UGT2B28: variants seen among roughly 807,000 people sequenced by gnomAD.
The protein encoded by UGT2B28 is UDP-glucuronosyltransferase 2B28.
A neutral mutation model predicts 43.6 loss-of-function variants in UGT2B28; 45 were observed. The observed-to-expected ratio is 1.03, with a 90% CI of 0.81 to 1.32. The LOEUF (loss-of-function observed/expected upper bound fraction) is 1.32. Among genes scored for constraint, UGT2B28 ranks in the 40% most tolerant of loss-of-function variants. The pLI is 0.00. For missense variants in UGT2B28, 649 were observed against 625.5 expected, an observed-to-expected ratio of 1.04 and a Z score of -0.40; for synonymous variants, 204 against 208.1, an observed-to-expected ratio of 0.98 and a Z score of 0.17.
At position 69,280,487 on chromosome 4, in the gene UGT2B28, T is replaced by C. The variant is rs766739745; in HGVS notation, c.-14T>C. On this transcript the variant is annotated 5_prime_UTR_variant, in exon 1 of 6. Coordinates refer to ENST00000335568, the MANE Select transcript of UGT2B28 (RefSeq NM_053039.2). The stretch of plus-strand genomic sequence containing the variant: ...GAAACAGTGACTTGAAAAGAATGAT[T>C]GCATTGCACCAGGATGGCTCTGAAG... 7.1e-6 allele frequency: 11 copies of C among 1,542,750 alleles called. 2 individuals carry two copies. Among genetic ancestry groups the C allele is most frequent in the Non-Finnish European group, 8.7e-6 (10 of 1,148,976 alleles).
rs1170000308 is a variant in UGT2B28 at position 69,292,454 on chromosome 4, T to C, written c.1310+1643T>C. Among the ~76,000 whole-genome samples the C allele has an allele frequency of 1.4e-5, 2 of 140,194 alleles. 1 individual carries two copies. The highest frequency in any genetic ancestry group is 5.6e-5 in the African/African-American group (2 of 35,946). The allele number at this position is 140,194 out of a possible 152,430, so 92.0% of individuals were successfully genotyped here. On this transcript the variant is annotated intron_variant, in intron 5 of 5. Transcript: ENST00000335568. ...TAATTGAAAAGCAACACAAACCAGC[T>C]TGGACAAATAGAAAAGAAATATAAA... is the stretch of plus-strand genomic sequence containing the variant.
At chr4:69,287,210 G>A (rs1215965424) in intron 3 of UGT2B28, among the ~76,000 whole-genome samples, 1 of 140,596 alleles carries the variant, frequency 7.1e-6, no homozygotes, top group African/African-American at 2.8e-5. Context: ...CATACATATG[G>A]CTGAAATTAA....
rs561845520 is a variant in UGT2B28 at position 69,289,884 on chromosome 4, A to T, written c.1090+132A>T. 3.1e-5 allele frequency: 31 copies of T among 991,198 alleles called. 6 individuals are homozygous for T. In the East Asian group the frequency reaches 7.8e-4, roughly 25 times the overall value. The allele number at this position is 991,198 out of a possible 1,614,324, so 61.4% of individuals were successfully genotyped here. Reference sequence around the variant, plus strand: ...AAGAACTTCTTTGTATTTATTTTCCAGTCCTAGGGGAAAAGAATATGGTAG... The same window carrying T: ...AAGAACTTCTTTGTATTTATTTTCCTGTCCTAGGGGAAAAGAATATGGTAG... On this transcript the variant is annotated intron_variant, in intron 4 of 5. Transcript: ENST00000335568.
chr4:69,285,833 G>A (rs1577993655), intron 2 of UGT2B28, among the ~76,000 whole-genome samples: 1 of 140,988 alleles, frequency 7.1e-6, no homozygotes, highest in East Asian at 2.0e-4. Flanking sequence ...ACTCAAAAGA[G>A]AGACAAGATC....
In UGT2B28 at chr4:69,293,401, G is replaced by A. The variant is rs1419161187; in HGVS notation, c.1311-1129G>A. On this transcript the variant is annotated intron_variant, in intron 5 of 5. Coordinates refer to ENST00000335568, the MANE Select transcript of UGT2B28 (RefSeq NM_053039.2). ...TTTTTGAACTATTCACTTAGTGTAT[G>A]TATATTTATCTTTTGTGTTTTATAT... Among the ~76,000 whole-genome samples, 5 of 140,264 alleles carry A rather than the reference G, an allele frequency of 3.6e-5. 1 individual carries two copies. The highest frequency in any genetic ancestry group is 6.1e-5 in the Non-Finnish European group (4 of 65,684). 92.0% of individuals were successfully genotyped at this position (140,264 alleles called of 152,430 possible).
At chr4:69,281,587 C>A (rs1241740415) in intron 1 of UGT2B28, among the ~76,000 whole-genome samples, 1 of 140,888 alleles carries the variant, frequency 7.1e-6, no homozygotes, top group Non-Finnish European at 1.5e-5. Context: ...AGTAATTACA[C>A]ATTTTTCTAC....
At chr4:69,293,584 A>T (rs1342877382) in intron 5 of UGT2B28, among the ~76,000 whole-genome samples, 1 of 140,166 alleles carries the variant, frequency 7.1e-6, no homozygotes, top group East Asian at 2.0e-4. Context: ...AGCCACAAAA[A>T]GGGAGAGAAG....
chr4:69,290,544 C>T, intron 4 of UGT2B28, 48 bp from the exon 5 acceptor site: 4 of 1,530,392 alleles, frequency 2.6e-6, no homozygotes, highest in Middle Eastern at 1.8e-4. Context: ...CATTGTGTAT[C>T]GCATTTTATT....
At position 69,281,339 on chromosome 4, in the gene UGT2B28, T is replaced by C. The variant is rs1229700143; in HGVS notation, c.721+118T>C. ...GTTTTTGGTAAGTGAATTTATGAAATGAAAATACAAGATGATCTATCAATC... is the reference window on the plus strand; with the variant it reads ...GTTTTTGGTAAGTGAATTTATGAAACGAAAATACAAGATGATCTATCAATC... On this transcript the variant is annotated intron_variant, in intron 1 of 5. Coordinates refer to ENST00000335568, the MANE Select transcript of UGT2B28 (RefSeq NM_053039.2). 3.3e-6 allele frequency: 4 copies of C among 1,204,906 alleles called. 1 individual carries two copies. The highest frequency in any genetic ancestry group is 4.3e-6 in the Non-Finnish European group (4 of 919,580). The allele number at this position is 1,204,906 out of a possible 1,614,324, so 74.6% of individuals were successfully genotyped here.
At chr4:69,285,509 A>G (rs1205946906) in intron 2 of UGT2B28, among the ~76,000 whole-genome samples, 6 of 138,402 alleles carry the variant, frequency 4.3e-5, no homozygotes, top group African/African-American at 1.7e-4. Context: ...GGTTACAGGT[A>G]ACTGCAATCA....
At chr4:69,290,369 C>A (rs55836077) in intron 4 of UGT2B28, among the ~76,000 whole-genome samples, 2 of 139,484 alleles carry the variant, frequency 1.4e-5, no homozygotes, top group East Asian at 2.1e-4. Context: ...TCATTAGTCC[C>A]GCTGAAAATC....
chr4:69,281,326 T>G (rs1224711577), intron 1 of UGT2B28, 105 bp downstream of exon 1: 1 of 1,261,348 alleles, frequency 7.9e-7, no homozygotes, highest in Non-Finnish European at 1.0e-6. Context: ...TTTTGGTAAG[T>G]GAATTTATGA....
intron 2 of UGT2B28, 85 bp from the exon 3 acceptor site, chr4:69,286,667 T>A: frequency 6.9e-7 from 1 of 1,445,714 alleles, no homozygotes. Flanking sequence ...ATACTTGATT[T>A]TCTCTCTTTA....
At chr4:69,282,791 A>T in intron 2 of UGT2B28, 129 bp downstream of exon 2, 2 of 1,341,482 alleles carry the variant, frequency 1.5e-6, no homozygotes, top group Non-Finnish European at 2.0e-6. Context: ...TAAAGCAGAT[A>T]CCAAATAGAA....
At position 69,285,268 on chromosome 4, in the gene UGT2B28, G is replaced by T. The variant is rs1241880519; in HGVS notation, c.871-1484G>T. ...ATATTTTCTATAAATAATATCTCTA[G>T]GTAGAAATTTTAGAAAAATTATTTT... On this transcript the variant is annotated intron_variant, in intron 2 of 5. Coordinates refer to ENST00000335568, the MANE Select transcript of UGT2B28 (RefSeq NM_053039.2). Among the ~76,000 whole-genome samples, 3 of 139,498 alleles carry T rather than the reference G, an allele frequency of 2.2e-5. 1 individual carries two copies. The highest frequency in any genetic ancestry group is 2.0e-4 in the East Asian group (1 of 4,928). 91.5% of individuals were successfully genotyped at this position (139,498 alleles called of 152,430 possible).
Position 69,289,767 on chromosome 4 carries a change from A to G in UGT2B28, c.1090+15A>G, listed in dbSNP as rs776469561. On this transcript the variant is annotated intron_variant, in intron 4 of 5. Transcript: ENST00000335568. ...TGACCTTCTAGGTAACACTCTGGTG[A>G]ACAAATACTGGATATATTAGTAACT... is the stretch of plus-strand genomic sequence containing the variant. 2.0e-6 allele frequency: 3 copies of G among 1,523,068 alleles called. 1 individual carries two copies. The highest frequency in any genetic ancestry group is 3.1e-5 in the African/African-American group (2 of 64,676). 94.3% of individuals were successfully genotyped at this position (1,523,068 alleles called of 1,614,324 possible).
rs1217303948 is a variant in UGT2B28 at position 69,288,656 on chromosome 4, C to T, written c.1003-1009C>T. On this transcript the variant is annotated intron_variant, in intron 3 of 5. Transcript: ENST00000335568. The stretch of plus-strand genomic sequence containing the variant: ...GTTTTTTACATAGGTAAACTTGTGT[C>T]ATGGGGTTTTGTTGTACTAATTGTT... 1.4e-4 allele frequency among the ~76,000 whole-genome samples: 20 copies of T among 139,138 alleles called. 2 individuals are homozygous for T. Among genetic ancestry groups the T allele is most frequent in the Non-Finnish European group, 2.7e-4 (18 of 65,490 alleles). 91.3% of individuals were successfully genotyped at this position (139,138 alleles called of 152,430 possible).
intron 5 of UGT2B28, among the ~76,000 whole-genome samples, chr4:69,294,320 A>G (rs1314650428): frequency 7.1e-6 from 1 of 140,016 alleles, no homozygotes. Context: ...CTGACCTTCC[A>G]TTTCTGCTTT....
At chr4:69,288,949 T>C (rs369191229) in intron 3 of UGT2B28, among the ~76,000 whole-genome samples, 5 of 140,838 alleles carry the variant, frequency 3.6e-5, no homozygotes, top group African/African-American at 8.3e-5. Context: ...CATAATATTC[T>C]GTAGTGTATA....
Sources: allele counts gnomAD v4.1 joint callset (sites outside exome capture counted in the v4.1 genomes callset), GRCh38; gene constraint gnomAD v4.1.1; transcripts MANE v1.5; gene names NCBI Gene and HGNC (gene_info 2026-07-23, HGNC 2026-07-21).